The following STK32A variants were observed in gnomAD, a reference collection of about 807,000 sequenced individuals.
STK32A encodes serine/threonine kinase 32A, also known as serine/threonine-protein kinase 32A.
Under a neutral mutation model 53.2 loss-of-function variants are expected in STK32A, and 41 were observed. The observed-to-expected ratio is 0.77, with a 90% CI of 0.60 to 1.00. The LOEUF is 1.00. Among genes scored for constraint, STK32A ranks in the 50% least tolerant of loss-of-function variants. STK32A has a pLI of 0.00. For synonymous variants in STK32A, 166 were observed against 162.8 expected, an observed-to-expected ratio of 1.02 and a Z score of -0.15; for missense variants, 458 against 485.8, an observed-to-expected ratio of 0.94 and a Z score of 0.54.
intron 7 of STK32A, among the ~76,000 whole-genome samples, chr5:147,361,304 C>T (rs1756492170): frequency 6.6e-6 from 1 of 152,082 alleles, no homozygotes; most frequent in South Asian, 2.1e-4. Flanking sequence ...CCTATGCATG[C>T]CTGTGTGTGT....
At chr5:147,260,785 T>A (rs186160186) in intron 2 of STK32A, among the ~76,000 whole-genome samples, 1 of 152,294 alleles carries the variant, frequency 6.6e-6, no homozygotes, top group Non-Finnish European at 1.5e-5. Flanking sequence ...CTAAGCCATA[T>A]GAGGCAGCTA....
At chr5:147,389,902 A>G (rs534742330), downstream of STK32A, among the ~76,000 whole-genome samples, 2 of 152,244 alleles carry the variant, frequency 1.3e-5, no homozygotes, top group Admixed American at 1.3e-4. Flanking sequence ...CTTTCCTAAG[A>G]AGGAAGCACT....
chr5:147,239,638 G>A lies in STK32A; in HGVS notation c.4G>A (p.Gly2Arg). The A allele has an allele frequency of 1.2e-6, 2 of 1,607,784 alleles. No homozygotes were observed. The highest frequency in any genetic ancestry group is 8.5e-7 in the Non-Finnish European group (1 of 1,176,896). Residue 2 changes from glycine (G) to arginine (R), a missense_variant, in exon 2 of 13, where the codon GGA becomes AGA. Transcript: ENST00000397936. The part of the protein sequence containing the change: M[G>R]ANTSRKPPVF... ...CCAGGTCTGGGCAGATTCAACCATG[G>A]GAGCGAACACTTCAAGAAAACCACC...
chr5:147,398,987 A>C, the STK32A span: 1 of 1,499,650 alleles, frequency 6.7e-7, no homozygotes. Flanking sequence ...GTCCTAGTCT[A>C]ACTACCCTGG....
At chr5:147,347,304 C>G (rs1755736072) in intron 6 of STK32A, among the ~76,000 whole-genome samples, 1 of 147,804 alleles carries the variant, frequency 6.8e-6, no homozygotes, top group Admixed American at 6.8e-5. Context: ...ATATGATCCT[C>G]TATCCCAAGC....
At chr5:147,332,636 G>T (rs1323043565) in intron 5 of STK32A, among the ~76,000 whole-genome samples, 1 of 151,890 alleles carries the variant, frequency 6.6e-6, no homozygotes, top group African/African-American at 2.4e-5. Flanking sequence ...TTTTGTTTTG[G>T]TAAATCTTCT....
At chr5:147,355,562 C>T (rs1756185844) in intron 7 of STK32A, among the ~76,000 whole-genome samples, 1 of 151,988 alleles carries the variant, frequency 6.6e-6, no homozygotes, top group African/African-American at 2.4e-5. Context: ...CCTGTAGTTC[C>T]AGCTACTCGG....
the STK32A span, among the ~76,000 whole-genome samples, chr5:147,399,616 G>A: frequency 6.6e-6 from 1 of 152,162 alleles, no homozygotes; most frequent in African/African-American, 2.4e-5. Context: ...ATGTATTTGT[G>A]TTTGCATATG....
chr5:147,345,906 A>G (rs936825341), intron 6 of STK32A, among the ~76,000 whole-genome samples: 25 of 152,200 alleles, frequency 1.6e-4, no homozygotes, highest in Non-Finnish European at 3.1e-4. Flanking sequence ...TTGAAAATCA[A>G]TTGCTTTGGG....
rs545724168 is a variant in STK32A at position 147,343,081 on chromosome 5, T to C, written c.472+38T>C. 15 of 1,606,644 alleles carry C rather than the reference T, an allele frequency of 9.3e-6. No individual in the cohort carries two copies. The South Asian group carries it at 1.5e-4, about 16-fold the overall frequency. On this transcript the variant is annotated intron_variant, in intron 6 of 12. Coordinates refer to ENST00000397936, the MANE Select transcript of STK32A (RefSeq NM_001112724.2). ...TTTGTTTGCAATCAAGTACATGACATGCATGTAGAAAAGTTGATTGTTCCC... is the reference window on the plus strand; with the variant it reads ...TTTGTTTGCAATCAAGTACATGACACGCATGTAGAAAAGTTGATTGTTCCC...
chr5:147,334,058 C>G (rs985292511), intron 5 of STK32A, among the ~76,000 whole-genome samples: 1 of 152,140 alleles, frequency 6.6e-6, no homozygotes, highest in Non-Finnish European at 1.5e-5. Context: ...GGAAGCCACA[C>G]TGCGATTTTC....
chr5:147,287,763 C>G (rs1016022190), intron 4 of STK32A, among the ~76,000 whole-genome samples: 2 of 152,144 alleles, frequency 1.3e-5, no homozygotes, highest in Non-Finnish European at 2.9e-5. Context: ...CTTCCCCTCT[C>G]TCTGCATCCT....
chr5:147,272,256 T>C (rs949561105), intron 2 of STK32A, among the ~76,000 whole-genome samples: 2 of 152,166 alleles, frequency 1.3e-5, no homozygotes, highest in African/African-American at 4.8e-5. Context: ...TTTGTATTTT[T>C]AGTAGAGACT....
chr5:147,279,970 C>A (rs1751974777), intron 4 of STK32A, among the ~76,000 whole-genome samples: 1 of 152,148 alleles, frequency 6.6e-6, no homozygotes. Context: ...AAGAGAGACC[C>A]TCCTCTCCCA....
chr5:147,277,303 A>C (rs978721983), intron 2 of STK32A, among the ~76,000 whole-genome samples: 1 of 152,206 alleles, frequency 6.6e-6, no homozygotes, highest in Non-Finnish European at 1.5e-5. Flanking sequence ...AAAGATTGTC[A>C]CCTGCACAGG....
chr5:147,238,812 G>A (rs1344269823), intron 1 of STK32A, among the ~76,000 whole-genome samples: 2 of 151,224 alleles, frequency 1.3e-5, no homozygotes, highest in Non-Finnish European at 2.9e-5. Flanking sequence ...ATACAACAGA[G>A]TTGATATATA....
At chr5:147,259,868 GTC>G (rs1754425556) in intron 2 of STK32A, among the ~76,000 whole-genome samples, 1 of 107,438 alleles carries the variant, frequency 9.3e-6, no homozygotes. Context: ...CCTCTCTTCT[GTC>G]TCTCTCTCCT....
intron 2 of STK32A, among the ~76,000 whole-genome samples, chr5:147,265,425 T>C (rs899775027): frequency 6.6e-6 from 1 of 152,188 alleles, no homozygotes; most frequent in African/African-American, 2.4e-5. Context: ...TCATTATTTG[T>C]TTACTTATTT....
At chr5:147,286,249 T>C (rs548689568) in intron 4 of STK32A, among the ~76,000 whole-genome samples, 1 of 151,546 alleles carries the variant, frequency 6.6e-6, no homozygotes, top group South Asian at 2.1e-4. Flanking sequence ...ATGAGAATGA[T>C]ACAATGGACT....
Sources: gnomAD v4.1 joint callset for allele counts (sites outside exome capture counted in the v4.1 genomes callset) on GRCh38, gnomAD v4.1.1 for gene constraint, MANE v1.5 for transcripts, NCBI Gene and HGNC (gene_info 2026-07-23, HGNC 2026-07-21) for gene names.